The following PHF2 variants were observed in gnomAD, a reference collection of about 807,000 sequenced individuals.
PHF2 encodes lysine-specific demethylase PHF2.
PHF2 carries 27 observed loss-of-function variants against 120.5 expected under a neutral mutation model. The observed-to-expected ratio is 0.22, with a 90% CI of 0.17 to 0.31. The LOEUF (loss-of-function observed/expected upper bound fraction) is 0.31, where lower values mean the gene tolerates loss of function less well. Ranked by LOEUF, PHF2 falls within the 10% of genes least tolerant of loss-of-function variation. The pLI is 1.00. For missense variants in PHF2, 1,024 were observed against 1,434.8 expected, an observed-to-expected ratio of 0.71 and a Z score of 4.63; for synonymous variants, 568 against 592.5, an observed-to-expected ratio of 0.96 and a Z score of 0.60.
At chr9:93,592,484 A>G (rs1825246557) in intron 1 of PHF2, among the ~76,000 whole-genome samples, 3 of 152,126 alleles carry the variant, frequency 2.0e-5, no homozygotes, top group African/African-American at 4.8e-5. Flanking sequence ...AGTTTTACCA[A>G]TTGCTTGGTA....
intron 1 of PHF2, among the ~76,000 whole-genome samples, chr9:93,615,237 G>A (rs1825710603): frequency 6.6e-6 from 1 of 150,846 alleles, no homozygotes; most frequent in African/African-American, 2.4e-5. Context: ...TGGTGATGGT[G>A]ATGGTGTTGA....
chr9:93,579,184 C>T (rs1050888473), intron 1 of PHF2, among the ~76,000 whole-genome samples: 1 of 152,182 alleles, frequency 6.6e-6, no homozygotes, highest in African/African-American at 2.4e-5. Flanking sequence ...TGTGACCAGA[C>T]CCCGGGGTTT....
At chr9:93,585,216 A>G (rs770056408) in intron 1 of PHF2, among the ~76,000 whole-genome samples, 1 of 152,184 alleles carries the variant, frequency 6.6e-6, no homozygotes, top group African/African-American at 2.4e-5. Flanking sequence ...TTTTTTAACC[A>G]TAAGTATTTT....
intron 1 of PHF2, among the ~76,000 whole-genome samples, chr9:93,624,511 G>A (rs1427432009): frequency 4.0e-5 from 6 of 151,526 alleles, no homozygotes; most frequent in African/African-American, 1.5e-4. Context: ...TGATGACAAC[G>A]GTGATGGTGG....
intron 5 of PHF2, among the ~76,000 whole-genome samples, chr9:93,651,139 G>A (rs1258488072): frequency 6.6e-6 from 1 of 150,640 alleles, no homozygotes; most frequent in Non-Finnish European, 1.5e-5. Context: ...CATTTTGGTT[G>A]AGCTTCCTAA....
intron 1 of PHF2, among the ~76,000 whole-genome samples, chr9:93,596,229 C>T (rs533999020): frequency 6.6e-6 from 1 of 152,170 alleles, no homozygotes; most frequent in Admixed American, 6.5e-5. Context: ...CTATTGGGAC[C>T]CCCTGTGCCC....
intron 3 of PHF2, among the ~76,000 whole-genome samples, chr9:93,643,855 A>G (rs1454699871): frequency 6.8e-6 from 1 of 148,112 alleles, no homozygotes; most frequent in Non-Finnish European, 1.5e-5. Flanking sequence ...CTCTGCCCCC[A>G]CCACTCACAA....
chr9:93,665,339 C>T (rs988880509), intron 14 of PHF2, among the ~76,000 whole-genome samples: 3 of 152,200 alleles, frequency 2.0e-5, no homozygotes, highest in Non-Finnish European at 4.4e-5. Context: ...ATCTAAACTG[C>T]CTGGGGAAGG....
At chr9:93,594,671 G>A (rs984944567) in intron 1 of PHF2, among the ~76,000 whole-genome samples, 1 of 152,216 alleles carries the variant, frequency 6.6e-6, no homozygotes, top group Non-Finnish European at 1.5e-5. Flanking sequence ...GCATGAGTGG[G>A]AGAGCACATT....
At chr9:93,606,215 C>A (rs756329805) in intron 1 of PHF2, among the ~76,000 whole-genome samples, 1 of 152,148 alleles carries the variant, frequency 6.6e-6, no homozygotes, top group Non-Finnish European at 1.5e-5. Context: ...AGCAATCCAC[C>A]TGCCTCAGCT....
At chr9:93,649,847 G>A (rs997537539) in intron 5 of PHF2, among the ~76,000 whole-genome samples, 1 of 151,964 alleles carries the variant, frequency 6.6e-6, no homozygotes, top group African/African-American at 2.4e-5. Flanking sequence ...ACACCAACGT[G>A]TGGTGCAGTC....
At chr9:93,583,916 C>T (rs754082808) in intron 1 of PHF2, among the ~76,000 whole-genome samples, 1 of 151,424 alleles carries the variant, frequency 6.6e-6, no homozygotes, top group African/African-American at 2.4e-5. Flanking sequence ...ACAACCTCTG[C>T]CTCCCTGGTT....
chr9:93,602,993 A>C, intron 1 of PHF2, among the ~76,000 whole-genome samples: 1 of 147,658 alleles, frequency 6.8e-6, no homozygotes. Flanking sequence ...AAGCAAGGGA[A>C]CCGCTGAGTT....
chr9:93,607,281 G>T (rs1047346344), intron 1 of PHF2, among the ~76,000 whole-genome samples: 1 of 151,716 alleles, frequency 6.6e-6, no homozygotes, highest in African/African-American at 2.4e-5. Flanking sequence ...GTTGTTTTTT[G>T]TTTGTTTTGA....
rs1216716350 is a variant in PHF2, at chr9:93,649,195, C to T, written c.585C>T (p.Leu195=). Residue 195 remains leucine (L), a synonymous_variant, in exon 5 of 22, where the codon CTC becomes CTT. Transcript: ENST00000359246. ...NRKRVLNVTN[L]EFSDTRMSSF... ...AGCGGGTCCTCAACGTCACCAACCT[C>T]GAGTTCTCTGACACCCGGTGAGTGC... The T allele has an allele frequency of 1.1e-5, 17 of 1,535,536 alleles. No homozygotes were observed. Among genetic ancestry groups the T allele is most frequent in the East Asian group, 1.0e-4 (4 of 39,966 alleles).
rs367655987 is a variant in PHF2, at chr9:93,658,285, G to A, written c.1239+49G>A. On this transcript the variant is annotated intron_variant, in intron 10 of 21. Coordinates refer to ENST00000359246, the MANE Select transcript of PHF2 (RefSeq NM_005392.4). ...CTAGGGCAGGAGAGCAGTGACAGGC[G>A]GGAGGACCTCCCTGGAGACCCAGCA... is the stretch of plus-strand genomic sequence containing the variant. 78 of 1,408,480 alleles carry A rather than the reference G, an allele frequency of 5.5e-5. No homozygotes were observed. The African/African-American group carries it at 7.0e-4, about 13-fold the overall frequency. The allele number at this position is 1,408,480 out of a possible 1,614,324, so 87.2% of individuals were successfully genotyped here. A position where few individuals can be genotyped will look rare whatever the true frequency, so the allele number is the denominator to read the frequency against.
intron 12 of PHF2, among the ~76,000 whole-genome samples, chr9:93,662,705 C>T (rs112465137): frequency 6.9e-6 from 1 of 144,152 alleles, no homozygotes; most frequent in Non-Finnish European, 1.5e-5. Context: ...GATGGATGAA[C>T]GAATGAATGA....
At chr9:93,617,729 C>T (rs1178721718) in intron 1 of PHF2, among the ~76,000 whole-genome samples, 1 of 152,190 alleles carries the variant, frequency 6.6e-6, no homozygotes, top group African/African-American at 2.4e-5. Context: ...GCAAGGAAAG[C>T]CATCCGAGTC....
chr9:93,669,458 C>G (rs573432279), intron 17 of PHF2, among the ~76,000 whole-genome samples: 73 of 152,360 alleles, frequency 4.8e-4, no homozygotes, highest in Non-Finnish European at 8.5e-4. Flanking sequence ...GGGGCAGCTC[C>G]CGGCAGTGCC....
Sources: gnomAD v4.1 joint callset for allele counts (sites outside exome capture counted in the v4.1 genomes callset) on GRCh38, gnomAD v4.1.1 for gene constraint, MANE v1.5 for transcripts, NCBI Gene and HGNC (gene_info 2026-07-23, HGNC 2026-07-21) for gene names.